The following SLC25A27 variants were observed in gnomAD, a reference collection of about 807,000 sequenced individuals.
SLC25A27 encodes the protein solute carrier family 25 member 27.
A neutral mutation model predicts 49.1 loss-of-function variants in SLC25A27; 35 were observed. That is an observed-to-expected ratio of 0.71 (90% CI 0.54 to 0.95). The LOEUF is 0.95. SLC25A27 is among the 40% of genes least tolerant of loss of function. The pLI, the probability that SLC25A27 is intolerant of heterozygous loss-of-function variation, is 0.00. For missense variants in SLC25A27, 339 were observed against 397.1 expected, an observed-to-expected ratio of 0.85 and a Z score of 1.24; for synonymous variants, 144 against 136.9, an observed-to-expected ratio of 1.05 and a Z score of -0.36.
rs1167000273 is a variant in SLC25A27 at position 46,677,978 on chromosome 6, G to T, written c.*1524G>T. 4.3e-5 allele frequency: 6 copies of T among 140,162 alleles called. No individual in the cohort carries two copies. The highest frequency in any genetic ancestry group is 1.6e-4 in the African/African-American group (6 of 37,476). The allele number at this position is 140,162 out of a possible 1,614,324, so 8.7% of individuals were successfully genotyped here. On this transcript the variant is annotated 3_prime_UTR_variant, in exon 9 of 9. Coordinates refer to ENST00000371347, the MANE Select transcript of SLC25A27 (RefSeq NM_004277.5). Reference sequence around the variant, plus strand: ...GAAGTTTAATCTCTTAAAATATTTAGATGGTCTACTTTTTCATTGAATTTG... The same window carrying T: ...GAAGTTTAATCTCTTAAAATATTTATATGGTCTACTTTTTCATTGAATTTG...
chr6:46,666,051 A>T (rs1327217730), intron 5 of SLC25A27, among the ~76,000 whole-genome samples: 1 of 152,200 alleles, frequency 6.6e-6, no homozygotes, highest in Non-Finnish European at 1.5e-5. Flanking sequence ...GAAAGATTCC[A>T]CTGCCTGCAC....
chr6:46,677,848 G>A lies in SLC25A27; in HGVS notation c.*1394G>A, dbSNP rs1395644842. Reference sequence around the variant, plus strand: ...ACAAGTGCTTTGTGGTTGCACTAATGTATACTCACTGCCATTTTAAGAGGG... The same window carrying A: ...ACAAGTGCTTTGTGGTTGCACTAATATATACTCACTGCCATTTTAAGAGGG... On this transcript the variant is annotated 3_prime_UTR_variant, in exon 9 of 9. Transcript: ENST00000371347. 2.0e-5 allele frequency: 3 copies of A among 152,416 alleles called. No homozygotes were observed. Among genetic ancestry groups the A allele is most frequent in the African/African-American group, 7.3e-5 (3 of 41,362 alleles). The allele number at this position is 152,416 out of a possible 1,614,324, so 9.4% of individuals were successfully genotyped here.
At chr6:46,673,848 T>C (rs1217799459) in intron 8 of SLC25A27, among the ~76,000 whole-genome samples, 2 of 152,194 alleles carry the variant, frequency 1.3e-5, no homozygotes, top group African/African-American at 4.8e-5. Flanking sequence ...AGTCGTATAG[T>C]AGATGCATTG....
chr6:46,655,813 G>C, intron 1 of SLC25A27, 30 bp from the exon 2 acceptor site: 1 of 1,592,960 alleles, frequency 6.3e-7, no homozygotes, highest in South Asian at 1.1e-5. Context: ...GAATGTTGTG[G>C]GTTTTTCCCT....
At chr6:46,676,273 A>G in intron 8 of SLC25A27, 110 bp from the exon 9 acceptor site, 1 of 934,942 alleles carries the variant, frequency 1.1e-6, no homozygotes, top group Non-Finnish European at 1.6e-6. Context: ...ATTTGTTTTC[A>G]GCCTAAGTGG....
intron 8 of SLC25A27, among the ~76,000 whole-genome samples, chr6:46,671,940 C>A (rs1763562416): frequency 6.6e-6 from 1 of 151,394 alleles, no homozygotes; most frequent in Non-Finnish European, 1.5e-5. Flanking sequence ...AAAATTAACA[C>A]AATATATTAT....
rs1248059400 is a variant in SLC25A27, at chr6:46,677,478, A to G, written c.*1024A>G. 1 of 152,240 alleles carries G rather than the reference A, an allele frequency of 6.6e-6. No homozygotes were observed. The highest frequency in any genetic ancestry group is 1.9e-4 in the East Asian group (1 of 5,196). The allele number at this position is 152,240 out of a possible 1,614,324, so 9.4% of individuals were successfully genotyped here. The stretch of plus-strand genomic sequence containing the variant: ...GGCAGAGAGAGCACTCACAAATCAC[A>G]CTAAAACTGCCAGCGGCCTGACTCT... On this transcript the variant is annotated 3_prime_UTR_variant, in exon 9 of 9. Coordinates refer to ENST00000371347, the MANE Select transcript of SLC25A27 (RefSeq NM_004277.5).
intron 3 of SLC25A27, among the ~76,000 whole-genome samples, chr6:46,660,056 A>C (rs1763114936): frequency 6.6e-6 from 1 of 152,102 alleles, no homozygotes; most frequent in East Asian, 1.9e-4. Context: ...ACTGGCTTCT[A>C]ATCACCCACA....
chr6:46,666,061 C>T (rs186056408), intron 5 of SLC25A27, among the ~76,000 whole-genome samples: 185 of 152,296 alleles, frequency 1.2e-3, no homozygotes, highest in Admixed American at 2.5e-3. Flanking sequence ...ACTGCCTGCA[C>T]ATACCAAACT....
chr6:46,658,218 C>T (rs1763050675), intron 2 of SLC25A27, among the ~76,000 whole-genome samples: 1 of 152,206 alleles, frequency 6.6e-6, no homozygotes, highest in Non-Finnish European at 1.5e-5. Context: ...GAGACTGTTA[C>T]TGGTTTTCCA....
chr6:46,655,531 GTTTGTTTTTTTTTTTTTTTTTTT>G lies in SLC25A27; in HGVS notation c.107-308_107-286del, dbSNP rs1406846017. On this transcript the variant is annotated intron_variant, in intron 1 of 8. Transcript: ENST00000371347. Reference sequence around the variant, plus strand: ...TGTCATTTTAATTTTTATTGTTAATGTTTGTTTTTTTTTTTTTTTTTTTTTTTTTTTTTTTTTTTTTTGCTAGT... The same window carrying G: ...TGTCATTTTAATTTTTATTGTTAATGTTTTTTTTTTTTTTTTTTTGCTAGT... 1.7e-4 allele frequency among the ~76,000 whole-genome samples: 17 copies of G among 98,546 alleles called. 1 individual carries two copies. The highest frequency in any genetic ancestry group is 4.8e-4 in the African/African-American group (13 of 26,864). The allele number at this position is 98,546 out of a possible 152,430, so 64.7% of individuals were successfully genotyped here.
chr6:46,667,518 C>G (rs1226009414), intron 5 of SLC25A27, among the ~76,000 whole-genome samples: 1 of 152,204 alleles, frequency 6.6e-6, no homozygotes, highest in African/African-American at 2.4e-5. Flanking sequence ...CTACTTCTTG[C>G]ATATTCTGCT....
Position 46,655,858 on chromosome 6 carries a change from A to T in SLC25A27, c.122A>T (p.Asp41Val). Residue 41 changes from aspartate (D) to valine (V), a missense_variant, in exon 2 of 9, where the codon GAT (aspartate) becomes GTT (valine). Coordinates refer to ENST00000371347, the MANE Select transcript of SLC25A27 (RefSeq NM_004277.5). ...TTTTTGTTAGCAACCTTTCCCCTGG[A>T]TCTCACAAAAACTCGACTCCAAATG... ...TVAELATFPL[D>V]LTKTRLQMQG... 1 of 1,611,982 alleles carries T rather than the reference A, an allele frequency of 6.2e-7. No individual in the cohort carries two copies. The highest frequency in any genetic ancestry group is 8.5e-7 in the Non-Finnish European group (1 of 1,179,546).
intron 5 of SLC25A27, among the ~76,000 whole-genome samples, chr6:46,667,851 T>A (rs1763372482): frequency 6.6e-6 from 1 of 152,232 alleles, no homozygotes; most frequent in Non-Finnish European, 1.5e-5. Flanking sequence ...TATTGTCTCA[T>A]CCCACAACAG....
chr6:46,659,536 G>C (rs754282785), intron 3 of SLC25A27, among the ~76,000 whole-genome samples: 1 of 152,124 alleles, frequency 6.6e-6, no homozygotes, highest in Non-Finnish European at 1.5e-5. Context: ...AATATACATA[G>C]AGCTCCTATA....
chr6:46,665,716 T>C lies in SLC25A27; in HGVS notation c.619+830T>C, dbSNP rs963485410. Among the ~76,000 whole-genome samples the C allele has an allele frequency of 7.7e-4, 117 of 152,202 alleles. 1 individual carries two copies. The highest frequency in any genetic ancestry group is 3.4e-3 in the Middle Eastern group (1 of 294). The stretch of plus-strand genomic sequence containing the variant: ...AAAAAAAAAGAAGTTTTTCCCCTCC[T>C]ATACGTACTACTTTAGTATCCTTAA... On this transcript the variant is annotated intron_variant, in intron 5 of 8. Transcript: ENST00000371347.
chr6:46,676,263 A>G, intron 8 of SLC25A27, 120 bp from the exon 9 acceptor site: 1 of 827,880 alleles, frequency 1.2e-6, no homozygotes, highest in South Asian at 2.1e-5. Flanking sequence ...ATACCAAAAT[A>G]TTTGTTTTCA....
At chr6:46,676,160 T>C (rs1424809298) in intron 8 of SLC25A27, among the ~76,000 whole-genome samples, 1 of 152,218 alleles carries the variant, frequency 6.6e-6, no homozygotes, top group African/African-American at 2.4e-5. Context: ...TTAATATCTT[T>C]CCTTTCTATT....
chr6:46,672,666 G>A (rs1245765100), intron 8 of SLC25A27, among the ~76,000 whole-genome samples: 2 of 152,114 alleles, frequency 1.3e-5, no homozygotes, highest in Non-Finnish European at 2.9e-5. Flanking sequence ...TTCCTAAAAC[G>A]GGGATCATCT....
Sources: allele counts gnomAD v4.1 joint callset (sites outside exome capture counted in the v4.1 genomes callset), GRCh38; gene constraint gnomAD v4.1.1; transcripts MANE v1.5; gene names NCBI Gene and HGNC (gene_info 2026-07-23, HGNC 2026-07-21).